Variants in EFNA5 observed in about 807,000 individuals in gnomAD.
EFNA5 encodes the protein ephrin-A5.
In EFNA5, 5 loss-of-function variants were observed where a neutral mutation model predicts 22.9. The ratio of observed to expected loss-of-function variants is 0.22; its 90% CI spans 0.11 to 0.46. The LOEUF is 0.46. Among genes scored for constraint, EFNA5 ranks in the 20% least tolerant of loss-of-function variants. EFNA5 has a pLI of 0.99. For synonymous variants in EFNA5, 113 were observed against 112.2 expected (o/e 1.01, Z -0.04); for missense variants, 237 against 293.3 (o/e 0.81, Z 1.40).
intron 4 of EFNA5, among the ~76,000 whole-genome samples, chr5:107,383,124 T>C (rs1035201324): frequency 6.6e-6 from 1 of 152,176 alleles, no homozygotes; most frequent in Non-Finnish European, 1.5e-5. Flanking sequence ...GTCTTCTCAG[T>C]GTTGAGTCTC....
At chr5:107,476,188 G>A (rs925147058) in intron 1 of EFNA5, among the ~76,000 whole-genome samples, 6 of 149,086 alleles carry the variant, frequency 4.0e-5, no homozygotes, top group Non-Finnish European at 8.9e-5. Context: ...AGTAGCTGGG[G>A]TTACAGGCAC....
At chr5:107,487,222 C>T (rs930614423) in intron 1 of EFNA5, among the ~76,000 whole-genome samples, 7 of 152,126 alleles carry the variant, frequency 4.6e-5, no homozygotes, top group Non-Finnish European at 7.3e-5. Flanking sequence ...TGTAATGGCC[C>T]CCACTCCCTC....
At chr5:107,398,833 T>G in intron 2 of EFNA5, among the ~76,000 whole-genome samples, 1 of 125,904 alleles carries the variant, frequency 7.9e-6, no homozygotes, top group Admixed American at 9.8e-5. Flanking sequence ...CCAGCCTGGG[T>G]GACAGAATGA....
chr5:107,510,203 T>C (rs1747340566), intron 1 of EFNA5, among the ~76,000 whole-genome samples: 1 of 152,244 alleles, frequency 6.6e-6, no homozygotes, highest in Admixed American at 6.5e-5. Context: ...CTGCTCATTA[T>C]ATGCTAATTA....
At chr5:107,544,437 G>C (rs1400367630) in intron 1 of EFNA5, among the ~76,000 whole-genome samples, 1 of 152,118 alleles carries the variant, frequency 6.6e-6, no homozygotes. Context: ...TAACCTCTGG[G>C]AGTACCAAAT....
chr5:107,591,926 A>ATATT (rs1397383347), intron 1 of EFNA5, among the ~76,000 whole-genome samples: 1 of 7,942 alleles, frequency 1.3e-4, no homozygotes, highest in Non-Finnish European at 1.8e-4. Context: ...ATATATATAT[A>ATATT]ATATATAATA....
At chr5:107,633,180 C>A (rs1404638264) in intron 1 of EFNA5, among the ~76,000 whole-genome samples, 2 of 152,034 alleles carry the variant, frequency 1.3e-5, no homozygotes, top group Non-Finnish European at 2.9e-5. Flanking sequence ...TCCTTAATAC[C>A]AATGGGGTCA....
chr5:107,424,198 A>ATTTTTTTTTT (rs70996959), intron 2 of EFNA5, among the ~76,000 whole-genome samples: 1 of 95,706 alleles, frequency 1.0e-5, no homozygotes, highest in Non-Finnish European at 2.0e-5. Flanking sequence ...TCTTTCTTTC[A>ATTTTTTTTTT]TTTTTTTTTT....
intron 1 of EFNA5, among the ~76,000 whole-genome samples, chr5:107,482,868 CTCTATATA>C (rs777395700): frequency 4.9e-3 from 212 of 42,884 alleles, no homozygotes; most frequent in South Asian, 0.021. Flanking sequence ...CTCTCTCTCT[CTCTATATA>C]TATATATATA....
chr5:107,616,024 AG>A (rs1749904813), intron 1 of EFNA5, among the ~76,000 whole-genome samples: 1 of 152,236 alleles, frequency 6.6e-6, no homozygotes, highest in Non-Finnish European at 1.5e-5. Flanking sequence ...TATTTTAAGC[AG>A]GGGGTTAGAG....
chr5:107,569,581 A>ATT (rs1561436010), intron 1 of EFNA5, among the ~76,000 whole-genome samples: 70 of 25,798 alleles, frequency 2.7e-3, no homozygotes, highest in African/African-American at 6.5e-3. Context: ...ATATATATAT[A>ATT]TATATATATA....
intron 1 of EFNA5, among the ~76,000 whole-genome samples, chr5:107,452,089 A>G (rs1294796804): frequency 6.6e-6 from 1 of 152,196 alleles, no homozygotes; most frequent in East Asian, 1.9e-4. Context: ...GGAAGCCATT[A>G]TCCTCAGCAA....
At chr5:107,485,467 A>C (rs1746591745) in intron 1 of EFNA5, among the ~76,000 whole-genome samples, 1 of 152,130 alleles carries the variant, frequency 6.6e-6, no homozygotes, top group South Asian at 2.1e-4. Flanking sequence ...TTACTACTGA[A>C]TGAATCTCTC....
intron 1 of EFNA5, among the ~76,000 whole-genome samples, chr5:107,489,382 G>A (rs935170096): frequency 4.0e-5 from 6 of 151,762 alleles, no homozygotes; most frequent in Admixed American, 1.3e-4. Context: ...CCAAGACCAG[G>A]CTGGTCTCAA....
chr5:107,451,599 G>GATGA lies in EFNA5; in HGVS notation c.126-24094_126-24091dup, dbSNP rs540278873. On this transcript the variant is annotated intron_variant, in intron 1 of 4. Transcript: ENST00000333274. ...TATAAAGAGAAAACGATGGTGAATA[G>GATGA]ATGAATGAATGAATGAATGAATAAG... Among the ~76,000 whole-genome samples, 1,028 of 152,212 alleles carry GATGA rather than the reference G, an allele frequency of 6.8e-3. 12 individuals carry two copies. Among genetic ancestry groups the GATGA allele is most frequent in the African/African-American group, 0.023 (944 of 41,534 alleles).
chr5:107,662,632 G>C (rs1188791023), intron 1 of EFNA5, among the ~76,000 whole-genome samples: 1 of 151,852 alleles, frequency 6.6e-6, no homozygotes, highest in African/African-American at 2.4e-5. Context: ...CCACAAGAAA[G>C]ATTTGTTCTA....
intron 1 of EFNA5, among the ~76,000 whole-genome samples, chr5:107,599,569 T>C (rs551628326): frequency 4.2e-4 from 64 of 152,214 alleles, no homozygotes; most frequent in Non-Finnish European, 8.1e-4. Flanking sequence ...ACCTTCTGAA[T>C]GTATTAACTA....
chr5:107,569,561 A>ATATATATATT (rs1398406093), intron 1 of EFNA5, among the ~76,000 whole-genome samples: 1 of 19,240 alleles, frequency 5.2e-5, no homozygotes, highest in Non-Finnish European at 1.7e-4. Flanking sequence ...ATATATATTT[A>ATATATATATT]TATATATATA....
chr5:107,496,317 C>T (rs1357801531), intron 1 of EFNA5, among the ~76,000 whole-genome samples: 50 of 124,150 alleles, frequency 4.0e-4, no homozygotes, highest in African/African-American at 1.5e-3. Flanking sequence ...GCCTGGGCAA[C>T]GAGAGCAAAA....
Sources: gnomAD v4.1 joint callset for allele counts (sites outside exome capture counted in the v4.1 genomes callset) on GRCh38, gnomAD v4.1.1 for gene constraint, MANE v1.5 for transcripts, NCBI Gene and HGNC (gene_info 2026-07-23, HGNC 2026-07-21) for gene names.